The following MOB3B variants were observed in gnomAD, a reference collection of about 807,000 sequenced individuals.
The protein encoded by MOB3B is MOB kinase activator 3B.
MOB3B carries 7 observed loss-of-function variants against 18.7 expected under a neutral mutation model. The ratio of observed to expected loss-of-function variants is 0.37; its 90% CI spans 0.21 to 0.70. The LOEUF is 0.70. Among genes scored for constraint, MOB3B ranks in the 30% least tolerant of loss-of-function variants. MOB3B has a pLI of 0.52. For synonymous variants in MOB3B, 111 were observed against 99.9 expected, an observed-to-expected ratio of 1.11 and a Z score of -0.66; for missense variants, 253 against 281.3, an observed-to-expected ratio of 0.90 and a Z score of 0.72.
rs183021545 is a variant in MOB3B at position 27,493,326 on chromosome 9, T to G, written c.-199+36229A>C. Among the ~76,000 whole-genome samples the G allele has an allele frequency of 9.2e-5, 14 of 152,302 alleles. 1 individual carries two copies. In the East Asian group the frequency reaches 2.7e-3, roughly 29 times the overall value. ...TATAATTTCTTATGCCTGTCTTTAC[T>G]GCAATCTCTAAACATAAATTGTAAA... On this transcript the variant is annotated intron_variant, in intron 1 of 3. Transcript: ENST00000262244.
rs10115237 is a variant in MOB3B, at chr9:27,519,774, A to G, written c.-199+9781T>C. On this transcript the variant is annotated intron_variant, in intron 1 of 3. Coordinates refer to ENST00000262244, the MANE Select transcript of MOB3B (RefSeq NM_024761.5). ...CTGAATAGTCATTATCAGTTTCTCT[A>G]TCAGGGTCATCATTAAGAGAAGAGC... is the stretch of plus-strand genomic sequence containing the variant. 2.5e-3 allele frequency among the ~76,000 whole-genome samples: 382 copies of G among 152,262 alleles called. 3 individuals carry two copies. Among genetic ancestry groups the G allele is most frequent in the African/African-American group, 8.7e-3 (363 of 41,534 alleles).
rs138269611 is a variant in MOB3B, at chr9:27,437,756, G to A, written c.418+17377C>T. ...GTCATCCACAGGGACACATCTGCCT[G>A]CCTTATATTTGACAGGGCTTATCTC... On this transcript the variant is annotated intron_variant, in intron 2 of 3. Transcript: ENST00000262244. Among the ~76,000 whole-genome samples, 942 of 152,274 alleles carry A rather than the reference G, an allele frequency of 6.2e-3. 7 individuals carry two copies. Among genetic ancestry groups the A allele is most frequent in the Non-Finnish European group, 9.3e-3 (632 of 68,020 alleles).
intron 1 of MOB3B, among the ~76,000 whole-genome samples, chr9:27,504,765 A>G (rs1820034577): frequency 6.6e-6 from 1 of 152,224 alleles, no homozygotes; most frequent in South Asian, 2.1e-4. Context: ...ACTGTAACAC[A>G]TTACCACAAA....
intron 2 of MOB3B, among the ~76,000 whole-genome samples, chr9:27,391,198 C>CAA (rs553862893): frequency 3.2e-4 from 48 of 152,312 alleles, no homozygotes; most frequent in Admixed American, 1.8e-3. Context: ...TTAAATGTAC[C>CAA]ACGTTCACAG....
chr9:27,433,550 T>C (rs1822448491), intron 2 of MOB3B, among the ~76,000 whole-genome samples: 2 of 152,212 alleles, frequency 1.3e-5, no homozygotes, highest in African/African-American at 4.8e-5. Flanking sequence ...AAGAGAATTC[T>C]CTGCCTTCTT....
intron 2 of MOB3B, among the ~76,000 whole-genome samples, chr9:27,428,707 T>C (rs1361732105): frequency 6.6e-6 from 1 of 152,234 alleles, no homozygotes; most frequent in Admixed American, 6.5e-5. Context: ...AATGGCTGGA[T>C]GGCAGGTGCC....
intron 3 of MOB3B, among the ~76,000 whole-genome samples, chr9:27,333,570 C>T (rs999295324): frequency 6.6e-6 from 1 of 152,070 alleles, no homozygotes. Flanking sequence ...CTAAAGAACT[C>T]CAAAACGTGT....
chr9:27,441,847 A>G (rs1587217092), intron 2 of MOB3B, among the ~76,000 whole-genome samples: 2 of 152,208 alleles, frequency 1.3e-5, no homozygotes, highest in South Asian at 2.1e-4. Flanking sequence ...CAGTGTTCTC[A>G]GTGTTGTATG....
At chr9:27,393,401 CAG>C (rs892370694) in intron 2 of MOB3B, among the ~76,000 whole-genome samples, 17 of 149,282 alleles carry the variant, frequency 1.1e-4, no homozygotes, top group Non-Finnish European at 2.2e-4. Flanking sequence ...GTGTGTGTAA[CAG>C]AGAGAGGTAG....
At chr9:27,498,005 A>T (rs945710032) in intron 1 of MOB3B, among the ~76,000 whole-genome samples, 10 of 152,218 alleles carry the variant, frequency 6.6e-5, no homozygotes, top group African/African-American at 2.4e-4. Flanking sequence ...GAATATGAAT[A>T]GATGGAGCAT....
intron 2 of MOB3B, among the ~76,000 whole-genome samples, chr9:27,432,458 T>C (rs1164351871): frequency 1.3e-5 from 2 of 152,192 alleles, no homozygotes. Flanking sequence ...GGACAGGAAG[T>C]ACTTTTTGCT....
chr9:27,404,336 C>T (rs866594478), intron 2 of MOB3B, among the ~76,000 whole-genome samples: 31 of 134,212 alleles, frequency 2.3e-4, no homozygotes, highest in East Asian at 1.1e-3. Flanking sequence ...TCTTTCTTTC[C>T]TTCTTTCTTT....
At chr9:27,354,504 C>T (rs1563848221) in intron 3 of MOB3B, among the ~76,000 whole-genome samples, 1 of 152,156 alleles carries the variant, frequency 6.6e-6, no homozygotes, top group Admixed American at 6.5e-5. Context: ...TCTTATTTTG[C>T]TTTTAATGTC....
chr9:27,385,180 G>A (rs903375744), intron 2 of MOB3B, among the ~76,000 whole-genome samples: 1 of 152,148 alleles, frequency 6.6e-6, no homozygotes, highest in Non-Finnish European at 1.5e-5. Context: ...GTTTTCTTGC[G>A]GAATTTCCTC....
intron 3 of MOB3B, among the ~76,000 whole-genome samples, chr9:27,333,177 T>G (rs1820812305): frequency 6.6e-6 from 1 of 152,130 alleles, no homozygotes; most frequent in Non-Finnish European, 1.5e-5. Context: ...GTCACTGAGA[T>G]GCAGGATAAA....
intron 1 of MOB3B, among the ~76,000 whole-genome samples, chr9:27,495,964 C>A (rs1563883012): frequency 6.6e-6 from 1 of 152,178 alleles, no homozygotes; most frequent in Non-Finnish European, 1.5e-5. Flanking sequence ...ATCACTAGGA[C>A]AACATCATTT....
At chr9:27,492,919 G>A (rs141585740) in intron 1 of MOB3B, among the ~76,000 whole-genome samples, 3 of 152,182 alleles carry the variant, frequency 2.0e-5, no homozygotes, top group East Asian at 3.9e-4. Flanking sequence ...TTCTATGAAC[G>A]TCTGATTTCT....
chr9:27,490,639 G>A (rs990496524), intron 1 of MOB3B, among the ~76,000 whole-genome samples: 1 of 152,148 alleles, frequency 6.6e-6, no homozygotes, highest in Non-Finnish European at 1.5e-5. Context: ...GGAGCTGGGA[G>A]TAAGGAGTGG....
chr9:27,342,882 C>G (rs1423613874), intron 3 of MOB3B, among the ~76,000 whole-genome samples: 1 of 151,066 alleles, frequency 6.6e-6, no homozygotes, highest in Non-Finnish European at 1.5e-5. Flanking sequence ...TCTGCCCGGC[C>G]GCCACCCCGT....
Sources: gnomAD v4.1 joint callset for allele counts (sites outside exome capture counted in the v4.1 genomes callset) on GRCh38, gnomAD v4.1.1 for gene constraint, MANE v1.5 for transcripts, NCBI Gene and HGNC (gene_info 2026-07-23, HGNC 2026-07-21) for gene names.